AMBRA1: variants seen among roughly 807,000 people sequenced by gnomAD.
AMBRA1 encodes autophagy and beclin 1 regulator 1.
AMBRA1 carries 47 observed loss-of-function variants against 125.4 expected under a neutral mutation model. That is an observed-to-expected ratio of 0.37 (90% confidence interval 0.30 to 0.48). The LOEUF is 0.48. Ranked by LOEUF, AMBRA1 falls within the 20% of genes least tolerant of loss-of-function variation. The pLI is 0.99. For synonymous variants in AMBRA1, 626 were observed against 655.5 expected (o/e 0.95, Z 0.69); for missense variants, 1,331 against 1,693.4 (o/e 0.79, Z 3.76).
At chr11:46,589,490 C>T (rs1039021542) in intron 1 of AMBRA1, among the ~76,000 whole-genome samples, 9 of 152,092 alleles carry the variant, frequency 5.9e-5, no homozygotes, top group African/African-American at 9.7e-5. Flanking sequence ...CAAAAAAATG[C>T]GGATTCCACT....
intron 7 of AMBRA1, among the ~76,000 whole-genome samples, chr11:46,520,123 G>C (rs1343107008): frequency 7.0e-6 from 1 of 142,296 alleles, no homozygotes; most frequent in Admixed American, 7.2e-5. Flanking sequence ...TGGGCAACAA[G>C]AGTGAAACTC....
At chr11:46,518,347 A>T (rs1193374739) in intron 7 of AMBRA1, 1 of 187,242 alleles carries the variant, frequency 5.3e-6, no homozygotes, top group Non-Finnish European at 1.2e-5. Context: ...GGAGAATGGC[A>T]TGAACCTGGG....
At chr11:46,413,970 C>T (rs1590739177) in intron 15 of AMBRA1, among the ~76,000 whole-genome samples, 1 of 152,182 alleles carries the variant, frequency 6.6e-6, no homozygotes, top group Non-Finnish European at 1.5e-5. Flanking sequence ...GAGGTCCAAT[C>T]AGGGCCAGCC....
At chr11:46,584,731 C>A (rs532569650) in intron 1 of AMBRA1, among the ~76,000 whole-genome samples, 3 of 151,932 alleles carry the variant, frequency 2.0e-5, no homozygotes, top group Non-Finnish European at 1.5e-5. Context: ...GCCTCAGCCT[C>A]GCAAGCAGCT....
chr11:46,492,226 A>G (rs527541241), intron 11 of AMBRA1, among the ~76,000 whole-genome samples: 1 of 152,310 alleles, frequency 6.6e-6, no homozygotes, highest in East Asian at 1.9e-4. Flanking sequence ...GAGCCTATGA[A>G]GTCCTGGTGT....
At chr11:46,517,865 G>C (rs1591010674) in intron 7 of AMBRA1, among the ~76,000 whole-genome samples, 1 of 144,850 alleles carries the variant, frequency 6.9e-6, no homozygotes, top group South Asian at 2.2e-4. Context: ...AATACTTAAA[G>C]AATAGGATAA....
intron 1 of AMBRA1, among the ~76,000 whole-genome samples, chr11:46,556,872 C>T (rs2043170658): frequency 6.6e-6 from 1 of 152,156 alleles, no homozygotes; most frequent in South Asian, 2.1e-4. Context: ...TGCGGTGGCT[C>T]ATGCCTGTAA....
chr11:46,567,874 C>T (rs912426510), intron 1 of AMBRA1, among the ~76,000 whole-genome samples: 6 of 152,034 alleles, frequency 3.9e-5, no homozygotes, highest in Admixed American at 6.6e-5. Flanking sequence ...TGGGGCTGGG[C>T]GCGGTGGCTC....
At chr11:46,535,064 C>A (rs910848273) in intron 7 of AMBRA1, among the ~76,000 whole-genome samples, 7 of 152,188 alleles carry the variant, frequency 4.6e-5, no homozygotes, top group Non-Finnish European at 1.0e-4. Context: ...CCACCACAGG[C>A]TTTGTCTCCT....
intron 12 of AMBRA1, among the ~76,000 whole-genome samples, chr11:46,442,923 T>C (rs1254667841): frequency 6.6e-6 from 1 of 152,210 alleles, no homozygotes; most frequent in Non-Finnish European, 1.5e-5. Flanking sequence ...GGTTTTACCA[T>C]GTTGGCCAGG....
chr11:46,570,540 A>ATATACTATTAAG (rs2135272727), intron 1 of AMBRA1, among the ~76,000 whole-genome samples: 1 of 152,246 alleles, frequency 6.6e-6, no homozygotes, highest in South Asian at 2.1e-4. Context: ...TTAAGTGCCA[A>ATATACTATTAAG]TGCCTTATAT....
chr11:46,565,487 G>C (rs1333520995), intron 1 of AMBRA1, among the ~76,000 whole-genome samples: 1 of 151,008 alleles, frequency 6.6e-6, no homozygotes, highest in Admixed American at 6.6e-5. Flanking sequence ...TGGGCAGATT[G>C]CTTGAGCCCA....
intron 17 of AMBRA1, among the ~76,000 whole-genome samples, chr11:46,403,818 GCTAA>G (rs1353788934): frequency 6.6e-6 from 1 of 152,118 alleles, no homozygotes; most frequent in African/African-American, 2.4e-5. Context: ...GCCCTTTGGT[GCTAA>G]CTGACAGAAA....
rs184094160 is a variant in AMBRA1, at chr11:46,566,106, A to T, written c.-120-17606T>A. On this transcript the variant is annotated intron_variant, in intron 1 of 17. Coordinates refer to ENST00000683756, the MANE Select transcript of AMBRA1 (RefSeq NM_001387011.1). ...AAACTACAGTACATCCAAACCATGA[A>T]ATACTGTGTAGCAATTAAAAAGAGT... 2.6e-5 allele frequency among the ~76,000 whole-genome samples: 4 copies of T among 152,236 alleles called. No individual in the cohort carries two copies. The East Asian group carries it at 7.7e-4, about 29-fold the overall frequency.
At position 46,397,851 on chromosome 11, in the gene AMBRA1, G is replaced by C; in HGVS notation, c.3496C>G (p.Arg1166Gly). The C allele has an allele frequency of 6.2e-7, 1 of 1,601,508 alleles. No individual in the cohort carries two copies. Among genetic ancestry groups the C allele is most frequent in the Non-Finnish European group, 8.5e-7 (1 of 1,179,954 alleles). Residue 1166 changes from arginine (R) to glycine (G), a missense_variant, in exon 18 of 18, where the codon CGG becomes GGG. Arg to Gly is a moderately radical substitution (Grantham distance 125). Coordinates refer to ENST00000683756, the MANE Select transcript of AMBRA1 (RefSeq NM_001387011.1). ...AEGGMTAVVQREQSTTMASMG... is the reference protein window; with the variant it reads ...AEGGMTAVVQGEQSTTMASMG... ...GAGGCCATGGTGGTGCTCTGCTCCC[G>C]CTGCACCACGGCTGTCATGCCGCCC...
intron 12 of AMBRA1, among the ~76,000 whole-genome samples, chr11:46,440,424 T>C (rs977279040): frequency 2.0e-5 from 3 of 152,186 alleles, no homozygotes; most frequent in Non-Finnish European, 4.4e-5. Context: ...TCTGAAAAGA[T>C]ATATAAGGAA....
chr11:46,516,825 T>C (rs764793140), intron 7 of AMBRA1, among the ~76,000 whole-genome samples: 6 of 152,136 alleles, frequency 3.9e-5, no homozygotes, highest in Non-Finnish European at 7.3e-5. Context: ...GTTCTGCACA[T>C]TCTGCTGTGA....
At chr11:46,471,938 C>T (rs989457384) in intron 11 of AMBRA1, among the ~76,000 whole-genome samples, 2 of 152,084 alleles carry the variant, frequency 1.3e-5, no homozygotes, top group Non-Finnish European at 2.9e-5. Context: ...GAATAACTTT[C>T]TACTTCAGGA....
At chr11:46,511,048 G>A (rs919172798) in intron 8 of AMBRA1, among the ~76,000 whole-genome samples, 9 of 152,130 alleles carry the variant, frequency 5.9e-5, no homozygotes, top group African/African-American at 2.2e-4. Context: ...GACACTTTCC[G>A]TGATAAAGAT....
Sources: allele counts gnomAD v4.1 joint callset (sites outside exome capture counted in the v4.1 genomes callset), GRCh38; gene constraint gnomAD v4.1.1; transcripts MANE v1.5; gene names NCBI Gene and HGNC (gene_info 2026-07-23, HGNC 2026-07-21).